C1GALT1: variants seen among roughly 807,000 people sequenced by gnomAD.
C1GALT1 encodes core 1 synthase, glycoprotein-N-acetylgalactosamine 3-beta-galactosyltransferase 1.
A neutral mutation model predicts 31.0 loss-of-function variants in C1GALT1; 11 were observed. That is an observed-to-expected ratio of 0.36 (90% CI 0.22 to 0.59). The LOEUF is 0.59. C1GALT1 is among the 20% of genes least tolerant of loss of function. C1GALT1 has a pLI of 0.79. For missense variants in C1GALT1, 424 were observed against 425.2 expected (o/e 1.00, Z 0.03); for synonymous variants, 175 against 143.6 (o/e 1.22, Z -1.56).
chr7:7,223,171 T>C (rs773014983), intron 1 of C1GALT1, among the ~76,000 whole-genome samples: 2 of 152,278 alleles, frequency 1.3e-5, no homozygotes, highest in Middle Eastern at 3.4e-3. Context: ...GGTTTTTCTT[T>C]TTTTGGAGAT....
At chr7:7,171,362 C>T (rs1353311446) in intron 2 of C1GALT1, among the ~76,000 whole-genome samples, 2 of 151,826 alleles carry the variant, frequency 1.3e-5, no homozygotes, top group Non-Finnish European at 2.9e-5. Context: ...ATATAATGTC[C>T]TTCTTTGTCA....
rs76114897 is a variant in C1GALT1, at chr7:7,218,661, G to A, written c.-17-15642G>A. On this transcript the variant is annotated intron_variant, in intron 1 of 3. Transcript: ENST00000436587. ...AAGATATTCTGTTTTGCCTTATTTT[G>A]CCTTCTGAGAGTTTACACTGAAACA... Among the ~76,000 whole-genome samples, 579 of 152,190 alleles carry A rather than the reference G, an allele frequency of 3.8e-3. 2 individuals are homozygous for A. The highest frequency in any genetic ancestry group is 0.017 in the Middle Eastern group (5 of 294).
At chr7:7,200,358 G>A (rs1479109669) in intron 1 of C1GALT1, among the ~76,000 whole-genome samples, 1 of 152,200 alleles carries the variant, frequency 6.6e-6, no homozygotes, top group African/African-American at 2.4e-5. Context: ...TAAGAATGTT[G>A]TATATTGGCT....
At chr7:7,206,244 C>A (rs931549315) in intron 1 of C1GALT1, among the ~76,000 whole-genome samples, 7 of 151,922 alleles carry the variant, frequency 4.6e-5, no homozygotes, top group Non-Finnish European at 8.8e-5. Context: ...TCCAAAGTTA[C>A]AATAATACTA....
intron 1 of C1GALT1, among the ~76,000 whole-genome samples, chr7:7,188,352 A>G (rs1032656119): frequency 2.0e-5 from 3 of 152,198 alleles, no homozygotes; most frequent in Non-Finnish European, 2.9e-5. Context: ...TGAATTAGAG[A>G]TGCCTATGGT....
chr7:7,186,937 G>A (rs6967880), intron 1 of C1GALT1, among the ~76,000 whole-genome samples: 1 of 152,082 alleles, frequency 6.6e-6, no homozygotes, highest in Admixed American at 6.5e-5. Flanking sequence ...TAGGAAGACG[G>A]GAGGGTTTTG....
chr7:7,184,255 A>C (rs533517450), intron 1 of C1GALT1, among the ~76,000 whole-genome samples: 11 of 152,362 alleles, frequency 7.2e-5, no homozygotes, highest in African/African-American at 2.4e-4. Context: ...CTTAGTAAGG[A>C]AAGTATGACT....
upstream of C1GALT1, among the ~76,000 whole-genome samples, chr7:7,180,536 C>T (rs1202166555): frequency 6.6e-6 from 1 of 152,118 alleles, no homozygotes; most frequent in Non-Finnish European, 1.5e-5. Context: ...GCAGATAATA[C>T]GATCCAATTT....
upstream of C1GALT1, among the ~76,000 whole-genome samples, chr7:7,180,674 G>A (rs1780562671): frequency 1.3e-5 from 2 of 152,138 alleles, no homozygotes; most frequent in African/African-American, 4.8e-5. Flanking sequence ...TAACTTCTTT[G>A]CATTTTTGTT....
intron 1 of C1GALT1, among the ~76,000 whole-genome samples, chr7:7,233,651 T>C (rs900904738): frequency 6.6e-6 from 1 of 152,216 alleles, no homozygotes; most frequent in African/African-American, 2.4e-5. Flanking sequence ...CTCTGCTGTT[T>C]TAGGGCAAAA....
chr7:7,208,801 C>CA (rs1781866995), intron 1 of C1GALT1, among the ~76,000 whole-genome samples: 1 of 152,212 alleles, frequency 6.6e-6, no homozygotes, highest in Non-Finnish European at 1.5e-5. Flanking sequence ...GCTCCACAAA[C>CA]ACGTGCACAG....
chr7:7,181,932 G>C (rs1302453578), upstream of C1GALT1, among the ~76,000 whole-genome samples: 1 of 152,166 alleles, frequency 6.6e-6, no homozygotes, highest in East Asian at 1.9e-4. Context: ...GATAGGTTTT[G>C]TTACGCCCCT....
chr7:7,232,387 G>T (rs906662166), intron 1 of C1GALT1, among the ~76,000 whole-genome samples: 8 of 151,912 alleles, frequency 5.3e-5, no homozygotes, highest in African/African-American at 1.5e-4. Context: ...GATTTTTAGG[G>T]TTATATTTCC....
At chr7:7,190,674 C>T (rs1781031479) in intron 1 of C1GALT1, among the ~76,000 whole-genome samples, 3 of 152,088 alleles carry the variant, frequency 2.0e-5, no homozygotes, top group Admixed American at 1.3e-4. Flanking sequence ...TCCAGTGATA[C>T]TCACCTATTT....
chr7:7,237,613 A>G (rs1252615283), intron 2 of C1GALT1, among the ~76,000 whole-genome samples: 1 of 152,058 alleles, frequency 6.6e-6, no homozygotes. Flanking sequence ...TGATTGGTGG[A>G]TTTACATTTT....
chr7:7,219,397 T>TGATAA (rs1782403748), intron 1 of C1GALT1, among the ~76,000 whole-genome samples: 1 of 124,826 alleles, frequency 8.0e-6, no homozygotes, highest in Non-Finnish European at 1.7e-5. Context: ...AAATGTACCC[T>TGATAA]CTGGTGAGGA....
chr7:7,210,310 A>G (rs561848926), intron 1 of C1GALT1: 2 of 152,284 alleles, frequency 1.3e-5, no homozygotes, highest in Admixed American at 1.3e-4. Flanking sequence ...ATTGCGAAGC[A>G]TCTGTATAGC....
At chr7:7,198,589 G>A (rs1781400431) in intron 1 of C1GALT1, among the ~76,000 whole-genome samples, 1 of 152,110 alleles carries the variant, frequency 6.6e-6, no homozygotes, top group Non-Finnish European at 1.5e-5. Flanking sequence ...CTGTTGATTG[G>A]GATAGTTTCA....
At position 7,238,573 on chromosome 7, in the gene C1GALT1, G is replaced by A. The variant is rs1386634231; in HGVS notation, c.539G>A (p.Arg180Lys). The change falls in exon 3 of 4, where the codon AGG becomes AAG. Residue 180 changes from arginine (R) to lysine (K), a missense_variant. Arg to Lys is a conservative substitution (Grantham distance 26, BLOSUM62 2). Around this residue, in one of 3 missense-constraint regions of C1GALT1, gnomAD observed 44 missense variants for 78.3 expected, o/e 0.56. Transcript: ENST00000436587. This position sits in a 1 kb window ranked among gnomAD's most constrained non-coding sequence, Gnocchi z 5.2. ...DDTYVILDNL[R>K]WLLSKYDPEE... ...ACGTATGTCATACTAGACAATTTGA[G>A]GTGGCTTCTTTCAAAATACGACCCT... 1 of 1,613,942 alleles carries A rather than the reference G, an allele frequency of 6.2e-7. No homozygotes were observed. Among genetic ancestry groups the A allele is most frequent in the African/African-American group, 1.3e-5 (1 of 74,918 alleles).
Sources: gnomAD v4.1 joint callset for allele counts (sites outside exome capture counted in the v4.1 genomes callset) on GRCh38, gnomAD v4.1.1 for gene constraint, gnomAD v4.1.1 regional missense constraint, Gnocchi (gnomAD v3.1) non-coding constraint, MANE v1.5 for transcripts, NCBI Gene and HGNC (gene_info 2026-07-23, HGNC 2026-07-21) for gene names.